NDUFAF6: variants seen among roughly 807,000 people sequenced by gnomAD.
NDUFAF6 encodes NADH dehydrogenase (ubiquinone) complex I, assembly factor 6.
NDUFAF6 carries 45 observed loss-of-function variants against 40.8 expected under a neutral mutation model. The observed-to-expected ratio is 1.10, with a 90% CI of 0.87 to 1.42. The LOEUF is 1.42. Ranked by LOEUF, NDUFAF6 falls within the 40% of genes most tolerant of loss-of-function variation. The probability of loss-of-function intolerance (pLI) is 0.00; values close to 1 mark genes in which losing one functional copy is unlikely to be tolerated. For synonymous variants in NDUFAF6, 185 were observed against 155.9 expected (o/e 1.19, Z -1.39); for missense variants, 435 against 418.5 (o/e 1.04, Z -0.34).
chr8:95,112,364 C>T (rs2132088157), intron 4 of NDUFAF6, among the ~76,000 whole-genome samples: 1 of 152,160 alleles, frequency 6.6e-6, no homozygotes. Flanking sequence ...GACAGGTGTC[C>T]TTATAAGAGA....
At chr8:95,035,770 G>A (rs1286929668) in intron 3 of NDUFAF6, among the ~76,000 whole-genome samples, 194 bp downstream of exon 3, 1 of 152,092 alleles carries the variant, frequency 6.6e-6, no homozygotes, top group Non-Finnish European at 1.5e-5. Context: ...CACATCTTTT[G>A]TATATTTGTT....
chr8:95,065,932 C>T (rs942971088), intron 9 of NDUFAF6, among the ~76,000 whole-genome samples: 14 of 152,238 alleles, frequency 9.2e-5, no homozygotes, highest in East Asian at 7.7e-4. Flanking sequence ...TTTTCTCCCA[C>T]GATTTCTTTT....
chr8:95,054,902 T>G (rs1160503148), intron 8 of NDUFAF6, among the ~76,000 whole-genome samples: 1 of 152,242 alleles, frequency 6.6e-6, no homozygotes, highest in Non-Finnish European at 1.5e-5. Flanking sequence ...GGATTTGCAG[T>G]TTAAAAACTC....
chr8:95,053,548 C>T (rs934843239), intron 8 of NDUFAF6, among the ~76,000 whole-genome samples: 1 of 152,180 alleles, frequency 6.6e-6, no homozygotes, highest in Admixed American at 6.5e-5. Context: ...CTTGGCCTCC[C>T]CGTTCCAGAC....
upstream of NDUFAF6, among the ~76,000 whole-genome samples, chr8:95,024,729 TG>T (rs534515225): frequency 5.8e-4 from 89 of 152,140 alleles, 2 homozygotes; most frequent in South Asian, 0.018. Context: ...CATCACTTCT[TG>T]TAGGTGCTCT....
At chr8:94,931,321 C>A (rs1820369312) in intron 1 of NDUFAF6, among the ~76,000 whole-genome samples, 1 of 152,092 alleles carries the variant, frequency 6.6e-6, no homozygotes, top group Non-Finnish European at 1.5e-5. Context: ...TAGAATAAAT[C>A]TCTTAAGTTT....
intron 1 of NDUFAF6, among the ~76,000 whole-genome samples, chr8:94,933,102 C>A (rs1820586110): frequency 6.6e-6 from 1 of 151,988 alleles, no homozygotes; most frequent in Admixed American, 6.6e-5. Flanking sequence ...CCAGTAATCC[C>A]AGTTAATCGG....
intron 2 of NDUFAF6, among the ~76,000 whole-genome samples, chr8:95,008,226 A>G (rs1011095363): frequency 2.6e-5 from 4 of 152,184 alleles, no homozygotes; most frequent in Non-Finnish European, 4.4e-5. Flanking sequence ...AAAGCACATT[A>G]TTATTTAATA....
intron 2 of NDUFAF6, among the ~76,000 whole-genome samples, chr8:94,952,515 T>C (rs1822709253): frequency 6.6e-6 from 1 of 152,212 alleles, no homozygotes; most frequent in Non-Finnish European, 1.5e-5. Flanking sequence ...TTAAATTGCA[T>C]TTTAGATAAA....
intron 4 of NDUFAF6, 22 bp downstream of exon 4, chr8:95,041,648 C>A: frequency 6.3e-7 from 1 of 1,592,840 alleles, no homozygotes; most frequent in South Asian, 1.1e-5. Context: ...TTGTTCAAGT[C>A]TTAAGTTTTT....
chr8:95,041,549 A>G, intron 3 of NDUFAF6, 21 bp from the exon 4 acceptor site: 1 of 1,477,714 alleles, frequency 6.8e-7, no homozygotes, highest in Admixed American at 2.0e-5. Flanking sequence ...CTAAAAACTT[A>G]TAATGCTCTT....
In NDUFAF6 at chr8:94,931,616, T is replaced by A. The variant is rs1224126400; in HGVS notation, c.-935-13867T>A. The stretch of plus-strand genomic sequence containing the variant: ...CACACACACACACACACACATAAAA[T>A]TTTTTTAAAGTAGAATTTTAAGAGG... On this transcript the variant is annotated intron_variant, in intron 1 of 14. Transcript: ENST00000396113. Among the ~76,000 whole-genome samples, 17 of 61,676 alleles carry A rather than the reference T, an allele frequency of 2.8e-4. No individual in the cohort carries two copies. In the East Asian group the frequency reaches 6.2e-3, roughly 22 times the overall value. 40.5% of individuals were successfully genotyped at this position (61,676 alleles called of 152,430 possible).
intron 7 of NDUFAF6, among the ~76,000 whole-genome samples, chr8:95,051,351 A>G (rs967188423): frequency 6.6e-6 from 1 of 152,206 alleles, no homozygotes; most frequent in Admixed American, 6.5e-5. Flanking sequence ...AAAGAGGAGT[A>G]TCAGAGTTTT....
chr8:95,080,237 G>A (rs1808783220), downstream of NDUFAF6, among the ~76,000 whole-genome samples: 1 of 150,170 alleles, frequency 6.7e-6, no homozygotes, highest in Admixed American at 6.6e-5. Flanking sequence ...TTTTTGTAGT[G>A]ATTTTTTGTA....
intron 2 of NDUFAF6, among the ~76,000 whole-genome samples, chr8:95,005,412 T>C (rs1276540375): frequency 1.3e-5 from 2 of 151,660 alleles, no homozygotes; most frequent in Non-Finnish European, 2.9e-5. Flanking sequence ...TTAATCTTCC[T>C]TCAACCTTCC....
At chr8:95,046,093 G>C (rs1050582463) in intron 5 of NDUFAF6, among the ~76,000 whole-genome samples, 1 of 148,784 alleles carries the variant, frequency 6.7e-6, no homozygotes, top group Non-Finnish European at 1.5e-5. Context: ...ATGGAGTCTC[G>C]CTTTGTCCCC....
At chr8:95,114,669 C>CT (rs1219954548) in intron 4 of NDUFAF6, among the ~76,000 whole-genome samples, 2 of 152,168 alleles carry the variant, frequency 1.3e-5, no homozygotes, top group Non-Finnish European at 2.9e-5. Flanking sequence ...TCTATAATCT[C>CT]TTTCATTCAC....
chr8:95,052,439 C>T lies in NDUFAF6; in HGVS notation c.873+209C>T, dbSNP rs145872858. ...AGGCAGGTGAGCTGAGTTTTTAGCACGGACTTTGCAGCCAGATTGCATTGG... is the reference window on the plus strand; with the variant it reads ...AGGCAGGTGAGCTGAGTTTTTAGCATGGACTTTGCAGCCAGATTGCATTGG... On this transcript the variant is annotated intron_variant, in intron 8 of 8. Coordinates refer to ENST00000396124, the MANE Select transcript of NDUFAF6 (RefSeq NM_152416.4). 2.4e-4 allele frequency among the ~76,000 whole-genome samples: 37 copies of T among 152,272 alleles called. 1 individual carries two copies. In the East Asian group the frequency reaches 5.6e-3, roughly 23 times the overall value.
intron 4 of NDUFAF6, among the ~76,000 whole-genome samples, 179 bp downstream of exon 4, chr8:95,041,805 A>G (rs1830178945): frequency 6.6e-6 from 1 of 152,170 alleles, no homozygotes; most frequent in Non-Finnish European, 1.5e-5. Flanking sequence ...CCTCACATTG[A>G]GACAGACAAG....
Sources: allele counts gnomAD v4.1 joint callset (sites outside exome capture counted in the v4.1 genomes callset), GRCh38; gene constraint gnomAD v4.1.1; transcripts MANE v1.5; gene names NCBI Gene and HGNC (gene_info 2026-07-23, HGNC 2026-07-21).